PTPRN2: variants seen among roughly 807,000 people sequenced by gnomAD.
PTPRN2 encodes the protein receptor-type tyrosine-protein phosphatase N2.
A neutral mutation model predicts 118.8 loss-of-function variants in PTPRN2; 74 were observed. That is an observed-to-expected ratio of 0.62 (90% CI 0.52 to 0.76). The LOEUF (loss-of-function observed/expected upper bound fraction) is 0.76. PTPRN2 is among the 30% of genes least tolerant of loss of function. PTPRN2 has a pLI of 0.00. For missense variants in PTPRN2, 1,481 were observed against 1,394.4 expected, an observed-to-expected ratio of 1.06 and a Z score of -0.99; for synonymous variants, 641 against 608.0, an observed-to-expected ratio of 1.05 and a Z score of -0.80.
intron 11 of PTPRN2, among the ~76,000 whole-genome samples, chr7:158,033,809 G>T (rs779067830): frequency 7.3e-6 from 1 of 137,654 alleles, no homozygotes; most frequent in East Asian, 2.3e-4. Flanking sequence ...CTGACTGCAC[G>T]CTGAGACCTC....
At chr7:157,584,471 A>G (rs1800556208) in intron 17 of PTPRN2, among the ~76,000 whole-genome samples, 1 of 152,266 alleles carries the variant, frequency 6.6e-6, no homozygotes, top group Admixed American at 6.5e-5. Context: ...AAAGGCTTGC[A>G]TGGCAGAAGT....
chr7:157,662,091 C>T (rs1795918825), intron 13 of PTPRN2, among the ~76,000 whole-genome samples: 2 of 152,198 alleles, frequency 1.3e-5, no homozygotes, highest in Non-Finnish European at 2.9e-5. Flanking sequence ...AGTCAGAGGG[C>T]CTGATTTTGA....
intron 11 of PTPRN2, among the ~76,000 whole-genome samples, chr7:157,912,228 A>G (rs1350228260): frequency 1.3e-5 from 2 of 152,218 alleles, no homozygotes; most frequent in African/African-American, 4.8e-5. Flanking sequence ...TGGTAGATTT[A>G]CGTTGTATCT....
At chr7:158,471,941 A>C (rs1819887297) in intron 2 of PTPRN2, among the ~76,000 whole-genome samples, 1 of 152,096 alleles carries the variant, frequency 6.6e-6, no homozygotes, top group Non-Finnish European at 1.5e-5. Flanking sequence ...CAGCCAGGAA[A>C]TGTGGCCCAC....
chr7:157,910,379 G>A (rs1193290886), intron 11 of PTPRN2, among the ~76,000 whole-genome samples: 14 of 140,486 alleles, frequency 1.0e-4, no homozygotes, highest in Admixed American at 4.9e-4. Flanking sequence ...GCCGGATCAC[G>A]CACGTACGCC....
At chr7:157,589,004 G>A (rs1033843162) in intron 17 of PTPRN2, among the ~76,000 whole-genome samples, 1 of 152,162 alleles carries the variant, frequency 6.6e-6, no homozygotes, top group Non-Finnish European at 1.5e-5. Flanking sequence ...GCACAGTGCA[G>A]CGGCAGTAAG....
rs542780076 is a variant in PTPRN2, at chr7:157,952,371, G to A, written c.1724-53634C>T. On this transcript the variant is annotated intron_variant, in intron 11 of 22. Coordinates refer to ENST00000389418, the MANE Select transcript of PTPRN2 (RefSeq NM_002847.5). ...CACGAAGGGAGACAGGCGAGGGTGG[G>A]ACAGGCAAGGGTGGGTAGTGTGCAT... Among the ~76,000 whole-genome samples the A allele has an allele frequency of 3.5e-5, 5 of 144,230 alleles. No individual in the cohort carries two copies. In the South Asian group the frequency reaches 9.3e-4, roughly 27 times the overall value. 94.6% of individuals were successfully genotyped at this position (144,230 alleles called of 152,430 possible).
chr7:158,118,795 C>T (rs1395330918), intron 9 of PTPRN2, among the ~76,000 whole-genome samples: 1 of 152,164 alleles, frequency 6.6e-6, no homozygotes, highest in East Asian at 1.9e-4. Context: ...TCAACCTTTC[C>T]AGGCTCAGGT....
rs1419511610 is a variant in PTPRN2 at position 158,416,012 on chromosome 7, T to C, written c.163+73723A>G. 2.6e-5 allele frequency among the ~76,000 whole-genome samples: 4 copies of C among 152,222 alleles called. No individual in the cohort carries two copies. The East Asian group carries it at 7.7e-4, about 29-fold the overall frequency. On this transcript the variant is annotated intron_variant, in intron 2 of 22. Transcript: ENST00000389418. ...CACAGTCCTGTCTCTTCTAGGAATCTAAGTGTTAGGTTCTGGTTTCTTCTC... is the reference window on the plus strand; with the variant it reads ...CACAGTCCTGTCTCTTCTAGGAATCCAAGTGTTAGGTTCTGGTTTCTTCTC...
intron 3 of PTPRN2, among the ~76,000 whole-genome samples, chr7:158,263,611 T>A (rs1052689783): frequency 1.3e-5 from 2 of 152,244 alleles, no homozygotes; most frequent in African/African-American, 4.8e-5. Context: ...CTCTGGGTGC[T>A]GGGTGAGGGT....
intron 6 of PTPRN2, among the ~76,000 whole-genome samples, chr7:158,149,370 T>G (rs1820667825): frequency 6.6e-6 from 1 of 151,894 alleles, no homozygotes; most frequent in Non-Finnish European, 1.5e-5. Context: ...TAAACTTAAA[T>G]CTAACCAGTG....
chr7:158,127,911 C>T lies in PTPRN2; in HGVS notation c.1556+5766G>A, dbSNP rs189046389. ...GCCCTTCGTCCAGTCTTCAAGAATC[C>T]CTCTAGTTTGTAAAAAGGATAAAAA... On this transcript the variant is annotated intron_variant, in intron 9 of 22. Coordinates refer to ENST00000389418, the MANE Select transcript of PTPRN2 (RefSeq NM_002847.5). Among the ~76,000 whole-genome samples the T allele has an allele frequency of 1.3e-3, 201 of 152,236 alleles. 2 individuals are homozygous for T. Among genetic ancestry groups the T allele is most frequent in the African/African-American group, 4.6e-3 (190 of 41,538 alleles).
intron 1 of PTPRN2, among the ~76,000 whole-genome samples, chr7:158,557,533 C>T (rs896401066): frequency 1.3e-5 from 2 of 152,258 alleles, no homozygotes; most frequent in South Asian, 4.1e-4. Flanking sequence ...ACAAAGGTCA[C>T]GGCCGCCGCT....
chr7:158,161,129 G>T (rs1463309595), intron 6 of PTPRN2, among the ~76,000 whole-genome samples: 1 of 152,144 alleles, frequency 6.6e-6, no homozygotes, highest in Non-Finnish European at 1.5e-5. Context: ...ACTCAATATT[G>T]TCAGCATGTC....
intron 12 of PTPRN2, among the ~76,000 whole-genome samples, chr7:157,802,992 T>G (rs754894903): frequency 1.2e-4 from 18 of 152,128 alleles, no homozygotes; most frequent in Non-Finnish European, 2.6e-4. Flanking sequence ...GGAGATGGAG[T>G]CTTGCTCTGT....
chr7:158,138,544 G>C, intron 6 of PTPRN2, 29 bp from the exon 7 acceptor site: 3 of 1,590,634 alleles, frequency 1.9e-6, no homozygotes, highest in Non-Finnish European at 2.6e-6. Flanking sequence ...ACACAAGGAC[G>C]TTGTGGGTGG....
chr7:158,330,952 T>A (rs1474960778), intron 2 of PTPRN2, among the ~76,000 whole-genome samples: 59 of 46,198 alleles, frequency 1.3e-3, no homozygotes, highest in African/African-American at 2.3e-3. Flanking sequence ...ATAAGAGCTG[T>A]CACACGCAGA....
intron 8 of PTPRN2, among the ~76,000 whole-genome samples, chr7:158,134,462 A>G (rs936496028): frequency 3.9e-5 from 6 of 152,114 alleles, no homozygotes; most frequent in Non-Finnish European, 8.8e-5. Context: ...TAATAATAAT[A>G]ACAAATTTGC....
intron 4 of PTPRN2, among the ~76,000 whole-genome samples, chr7:158,201,738 C>G (rs1043910679): frequency 6.6e-6 from 1 of 152,184 alleles, no homozygotes; most frequent in African/African-American, 2.4e-5. Flanking sequence ...CTATTGATCC[C>G]AGGTCTTCAG....
Sources: gnomAD v4.1 joint callset for allele counts (sites outside exome capture counted in the v4.1 genomes callset) on GRCh38, gnomAD v4.1.1 for gene constraint, MANE v1.5 for transcripts, NCBI Gene and HGNC (gene_info 2026-07-23, HGNC 2026-07-21) for gene names.